MYO1D: variants seen among roughly 807,000 people sequenced by gnomAD.
MYO1D encodes the protein unconventional myosin-Id.
Under a neutral mutation model 122.0 loss-of-function variants are expected in MYO1D, and 83 were observed. The observed-to-expected ratio is 0.68, with a 90% confidence interval of 0.57 to 0.82. The LOEUF (loss-of-function observed/expected upper bound fraction) is 0.82. Among genes scored for constraint, MYO1D ranks in the 40% least tolerant of loss-of-function variants. The pLI, the probability that MYO1D is intolerant of heterozygous loss-of-function variation, is 0.00. For synonymous variants in MYO1D, 464 were observed against 446.9 expected, an observed-to-expected ratio of 1.04 and a Z score of -0.48; for missense variants, 1,157 against 1,269.5, an observed-to-expected ratio of 0.91 and a Z score of 1.35.
chr17:32,853,716 G>A (rs1347650243), intron 1 of MYO1D, among the ~76,000 whole-genome samples: 2 of 152,128 alleles, frequency 1.3e-5, no homozygotes, highest in Admixed American at 1.3e-4. Flanking sequence ...GAATGATTTG[G>A]CTCACAAACG....
At chr17:32,511,866 A>ATTTAAT (rs1909707330) in intron 21 of MYO1D, among the ~76,000 whole-genome samples, 4 of 152,190 alleles carry the variant, frequency 2.6e-5, no homozygotes, top group Non-Finnish European at 5.9e-5. Flanking sequence ...ACCATTATCA[A>ATTTAAT]GAAGCATTTA....
intron 15 of MYO1D, among the ~76,000 whole-genome samples, chr17:32,713,395 T>TCTGTGC: frequency 6.6e-6 from 1 of 152,338 alleles, no homozygotes; most frequent in Admixed American, 6.5e-5. Flanking sequence ...TGTCTGTCCA[T>TCTGTGC]CTGTGCATCA....
intron 10 of MYO1D, among the ~76,000 whole-genome samples, chr17:32,758,868 C>T (rs1056589606): frequency 2.0e-5 from 3 of 152,000 alleles, no homozygotes; most frequent in South Asian, 2.1e-4. Flanking sequence ...GTTTATTTAG[C>T]GAAAATTTTT....
intron 20 of MYO1D, among the ~76,000 whole-genome samples, chr17:32,617,026 C>CA (rs1475902023): frequency 6.6e-6 from 1 of 152,086 alleles, no homozygotes; most frequent in Non-Finnish European, 1.5e-5. Flanking sequence ...ATTAAAAATA[C>CA]AAAAATTAGC....
intron 16 of MYO1D, among the ~76,000 whole-genome samples, chr17:32,711,413 C>T (rs993450883): frequency 7.2e-5 from 11 of 152,068 alleles, no homozygotes; most frequent in African/African-American, 1.2e-4. Flanking sequence ...TTTGGGAGGC[C>T]GAGGTGGGCA....
chr17:32,520,795 C>T (rs1480746336), intron 21 of MYO1D, among the ~76,000 whole-genome samples: 1 of 152,244 alleles, frequency 6.6e-6, no homozygotes, highest in Admixed American at 6.5e-5. Context: ...CTTGACACAG[C>T]CACTGACAGA....
Position 32,771,142 on chromosome 17 carries a change from C to T in MYO1D, c.697G>A (p.Val233Met), listed in dbSNP as rs185796790. Residue 233 changes from valine (V) to methionine (M), a missense_variant, in exon 6 of 22, where the codon GTG (valine) becomes ATG (methionine). Coordinates refer to ENST00000318217, the MANE Select transcript of MYO1D (RefSeq NM_015194.3). ...ATTCTCACCTTTAATTGAGCTCCCA[C>T]ATGAATATAGTTGTAGGATGAAAGG... is the stretch of plus-strand genomic sequence containing the variant. ...KSLSSYNYIH[V>M]GAQLKSSIND... The T allele has an allele frequency of 1.9e-6, 3 of 1,606,996 alleles. No homozygotes were observed. Among genetic ancestry groups the T allele is most frequent in the African/African-American group, 2.7e-5 (2 of 74,714 alleles).
chr17:32,763,698 T>TC (rs2151018244), intron 8 of MYO1D, among the ~76,000 whole-genome samples: 1 of 152,310 alleles, frequency 6.6e-6, no homozygotes, highest in East Asian at 1.9e-4. Flanking sequence ...GGCAGGTAGA[T>TC]CGCTTGAGGT....
chr17:32,788,032 T>C (rs1039268686), intron 1 of MYO1D, among the ~76,000 whole-genome samples: 5 of 152,280 alleles, frequency 3.3e-5, no homozygotes, highest in Admixed American at 6.5e-5. Flanking sequence ...ATTTTTGCAA[T>C]TGCAAATTGT....
chr17:32,593,733 C>T (rs570351585), intron 21 of MYO1D, among the ~76,000 whole-genome samples: 2 of 152,152 alleles, frequency 1.3e-5, no homozygotes, highest in Admixed American at 1.3e-4. Flanking sequence ...GTCAGGAGTT[C>T]GAGACCAGTC....
intron 1 of MYO1D, among the ~76,000 whole-genome samples, chr17:32,835,479 G>A (rs951838772): frequency 6.6e-6 from 1 of 152,154 alleles, no homozygotes; most frequent in African/African-American, 2.4e-5. Context: ...CAACAGAAAT[G>A]CACTCAATAA....
chr17:32,810,523 G>A (rs1478786397), intron 1 of MYO1D, among the ~76,000 whole-genome samples: 1 of 151,144 alleles, frequency 6.6e-6, no homozygotes, highest in South Asian at 2.1e-4. Context: ...TATTGCCCAG[G>A]CTGGAGTGCA....
rs544868539 is a variant in MYO1D at position 32,766,858 on chromosome 17, A to G, written c.831+778T>C. 9.9e-5 allele frequency among the ~76,000 whole-genome samples: 15 copies of G among 152,242 alleles called. No individual in the cohort carries two copies. In the East Asian group the frequency reaches 2.7e-3, roughly 27 times the overall value. On this transcript the variant is annotated intron_variant, in intron 7 of 21. Coordinates refer to ENST00000318217, the MANE Select transcript of MYO1D (RefSeq NM_015194.3). ...ATTCTGAAAAGGACTGCTGCACTGT[A>G]TTTAAAAACTGATTCAAACAGATGA...
At chr17:32,816,736 C>T (rs188295163) in intron 1 of MYO1D, among the ~76,000 whole-genome samples, 47 of 152,280 alleles carry the variant, frequency 3.1e-4, no homozygotes, top group Non-Finnish European at 5.7e-4. Flanking sequence ...TAAATGGATG[C>T]ACTCACCTCA....
intron 16 of MYO1D, among the ~76,000 whole-genome samples, chr17:32,706,945 C>T (rs2089316712): frequency 6.6e-6 from 1 of 152,064 alleles, no homozygotes; most frequent in African/African-American, 2.4e-5. Flanking sequence ...ATCCACCCGC[C>T]TCGGCCCCCC....
intron 1 of MYO1D, among the ~76,000 whole-genome samples, chr17:32,863,216 A>G (rs1379140989): frequency 6.6e-6 from 1 of 152,246 alleles, no homozygotes; most frequent in African/African-American, 2.4e-5. Context: ...AACCACACAA[A>G]CAATTCAAAT....
chr17:32,535,784 C>T (rs531149810), intron 21 of MYO1D, among the ~76,000 whole-genome samples: 16 of 150,144 alleles, frequency 1.1e-4, no homozygotes, highest in African/African-American at 4.0e-4. Context: ...AAAAATCGTA[C>T]TTATAGAATA....
chr17:32,508,864 T>C (rs1458065337), intron 21 of MYO1D, among the ~76,000 whole-genome samples: 2 of 152,236 alleles, frequency 1.3e-5, no homozygotes, highest in African/African-American at 4.8e-5. Flanking sequence ...GTGGTCCCTG[T>C]TTGCTGTGTG....
intron 6 of MYO1D, among the ~76,000 whole-genome samples, chr17:32,768,234 C>A (rs1259254564): frequency 6.6e-6 from 1 of 152,208 alleles, no homozygotes; most frequent in Non-Finnish European, 1.5e-5. Flanking sequence ...GCAAGGCGGG[C>A]CCTCAAAAGC....
Sources: gnomAD v4.1 joint callset for allele counts (sites outside exome capture counted in the v4.1 genomes callset) on GRCh38, gnomAD v4.1.1 for gene constraint, MANE v1.5 for transcripts, NCBI Gene and HGNC (gene_info 2026-07-23, HGNC 2026-07-21) for gene names.